SPMIP7: variants seen among roughly 807,000 people sequenced by gnomAD.
The protein encoded by SPMIP7 is protein SPMIP7.
the SPMIP7 span, among the ~76,000 whole-genome samples, chr7:50,148,632 C>G: frequency 6.6e-6 from 1 of 152,150 alleles, no homozygotes; most frequent in Non-Finnish European, 1.5e-5. Flanking sequence ...TCTGGGTTAC[C>G]TCTCTAACTT....
chr7:50,099,355 G>A, the SPMIP7 span, among the ~76,000 whole-genome samples: 1 of 152,066 alleles, frequency 6.6e-6, no homozygotes, highest in African/African-American at 2.4e-5. Context: ...GAGCATTTTC[G>A]TGACGGTTTT....
At chr7:50,139,121 C>T in the SPMIP7 span, among the ~76,000 whole-genome samples, 4 of 151,866 alleles carry the variant, frequency 2.6e-5, no homozygotes, top group Admixed American at 1.3e-4. Flanking sequence ...GAGGCCGAGG[C>T]AGGCAGATCA....
At chr7:50,147,052 C>T in the SPMIP7 span, among the ~76,000 whole-genome samples, 1 of 152,232 alleles carries the variant, frequency 6.6e-6, no homozygotes. Flanking sequence ...ACACCCCCCT[C>T]CCTTATGTCG....
the SPMIP7 span, among the ~76,000 whole-genome samples, chr7:50,154,651 G>T: frequency 3.5e-3 from 530 of 152,250 alleles, 1 homozygote; most frequent in South Asian, 5.6e-3. Flanking sequence ...CCATATCTTG[G>T]CTATTGTGAA....
chr7:50,102,624 T>C, the SPMIP7 span, among the ~76,000 whole-genome samples: 1 of 152,152 alleles, frequency 6.6e-6, no homozygotes, highest in Non-Finnish European at 1.5e-5. Context: ...ACTTGTTCTC[T>C]ATTCCTCCTT....
chr7:50,111,002 A>G, the SPMIP7 span, among the ~76,000 whole-genome samples: 1 of 144,032 alleles, frequency 6.9e-6, no homozygotes, highest in Non-Finnish European at 1.5e-5. Flanking sequence ...ATATATATGT[A>G]ATATCTTTAT....
the SPMIP7 span, among the ~76,000 whole-genome samples, chr7:50,109,636 A>C: frequency 6.6e-6 from 1 of 152,070 alleles, no homozygotes. Flanking sequence ...CGGCCTCCCA[A>C]AGTGCTGGGT....
chr7:50,144,486 A>G, the SPMIP7 span, among the ~76,000 whole-genome samples: 12 of 152,348 alleles, frequency 7.9e-5, no homozygotes, highest in Admixed American at 3.3e-4. Flanking sequence ...CACCAAATCT[A>G]TAACAAGTTT....
At chr7:50,152,697 T>C in the SPMIP7 span, among the ~76,000 whole-genome samples, 5 of 150,452 alleles carry the variant, frequency 3.3e-5, no homozygotes, top group Admixed American at 3.3e-4. Context: ...TATTTATTTA[T>C]TTATTTATTT....
the SPMIP7 span, among the ~76,000 whole-genome samples, chr7:50,111,105 TTA>T: frequency 7.5e-5 from 11 of 146,556 alleles, no homozygotes; most frequent in Non-Finnish European, 4.5e-5. Flanking sequence ...TGTGTATATG[TTA>T]TATATATATA....
the SPMIP7 span, among the ~76,000 whole-genome samples, chr7:50,109,542 T>C: frequency 6.6e-6 from 1 of 151,892 alleles, no homozygotes; most frequent in Non-Finnish European, 1.5e-5. Flanking sequence ...CGCCTGGCTA[T>C]GTTTTGTATT....
the SPMIP7 span, among the ~76,000 whole-genome samples, chr7:50,147,637 A>G: frequency 8.5e-5 from 13 of 152,094 alleles, no homozygotes; most frequent in African/African-American, 3.1e-4. Context: ...TTTTCTCCAC[A>G]TTTTTCCTCT....
chr7:50,124,009 A>G, the SPMIP7 span, among the ~76,000 whole-genome samples: 1 of 152,198 alleles, frequency 6.6e-6, no homozygotes, highest in Non-Finnish European at 1.5e-5. Context: ...CTTCAGTTAT[A>G]TAAAGATACA....
chr7:50,113,986 C>A, the SPMIP7 span, among the ~76,000 whole-genome samples: 1 of 151,866 alleles, frequency 6.6e-6, no homozygotes, highest in Non-Finnish European at 1.5e-5. Context: ...TCAGTTTCTG[C>A]AAGCCAGAAG....
chr7:50,120,413 A>G, the SPMIP7 span: 1 of 152,332 alleles, frequency 6.6e-6, no homozygotes, highest in East Asian at 1.9e-4. Flanking sequence ...GGGGATAAAA[A>G]AAGGTCATGT....
chr7:50,121,775 T>G, the SPMIP7 span, among the ~76,000 whole-genome samples: 2 of 152,088 alleles, frequency 1.3e-5, no homozygotes, highest in African/African-American at 4.8e-5. Context: ...TGCCTCAGCC[T>G]CCTGAGTAGC....
the SPMIP7 span, among the ~76,000 whole-genome samples, chr7:50,145,650 A>G: frequency 3.6e-5 from 4 of 111,922 alleles, no homozygotes; most frequent in African/African-American, 1.0e-4. Flanking sequence ...ATATATATAT[A>G]TATATATATA....
At chr7:50,107,392 AAAAGAAAAAG>A in the SPMIP7 span, among the ~76,000 whole-genome samples, 3 of 34,704 alleles carry the variant, frequency 8.6e-5, no homozygotes, top group Admixed American at 3.8e-4. Flanking sequence ...AAAAGAAAAG[AAAAGAAAAAG>A]AAAAAAAAAA....
chr7:50,157,134 C>CTGGTGGT, the SPMIP7 span, among the ~76,000 whole-genome samples: 2 of 152,136 alleles, frequency 1.3e-5, no homozygotes, highest in African/African-American at 4.8e-5. Flanking sequence ...GAAAACTGCA[C>CTGGTGGT]TGGTGGTTTG....
Sources: allele counts gnomAD v4.1 joint callset (sites outside exome capture counted in the v4.1 genomes callset), GRCh38; gene constraint gnomAD v4.1.1; transcripts MANE v1.5; gene names NCBI Gene and HGNC (gene_info 2026-07-23, HGNC 2026-07-21).